Variants in PLB1 observed in about 807,000 individuals in gnomAD.
PLB1 encodes phospholipase B1, membrane-associated.
PLB1 carries 242 observed loss-of-function variants against 227.4 expected under a neutral mutation model. The ratio of observed to expected loss-of-function variants is 1.06; its 90% confidence interval spans 0.96 to 1.18. PLB1 has a LOEUF of 1.18. Ranked by LOEUF, PLB1 falls within the 50% of genes most tolerant of loss-of-function variation. The pLI is 0.00. For missense variants in PLB1, 1,858 were observed against 1,816.3 expected, an observed-to-expected ratio of 1.02 and a Z score of -0.42; for synonymous variants, 757 against 682.2, an observed-to-expected ratio of 1.11 and a Z score of -1.71.
At chr2:28,516,518 A>G (rs1668866296) in intron 1 of PLB1, among the ~76,000 whole-genome samples, 1 of 152,190 alleles carries the variant, frequency 6.6e-6, no homozygotes, top group South Asian at 2.1e-4. Flanking sequence ...CCAAAAAGCA[A>G]TCTGTGATAA....
At chr2:28,604,114 C>T (rs553924487) in intron 40 of PLB1, 67 bp downstream of exon 40, 13 of 1,443,338 alleles carry the variant, frequency 9.0e-6, no homozygotes, top group Middle Eastern at 3.5e-4. Flanking sequence ...CAGCCCAGAG[C>T]CCCTAGAGGA....
At chr2:28,570,162 T>C (rs564386482) in intron 20 of PLB1, among the ~76,000 whole-genome samples, 3 of 152,152 alleles carry the variant, frequency 2.0e-5, no homozygotes, top group Non-Finnish European at 4.4e-5. Flanking sequence ...GAAGGAATGC[T>C]TCACAACTCA....
chr2:28,586,995 C>T lies in PLB1; in HGVS notation c.1815+1153C>T, dbSNP rs143571748. On this transcript the variant is annotated intron_variant, in intron 26 of 57. Coordinates refer to ENST00000327757, the MANE Select transcript of PLB1 (RefSeq NM_153021.5). ...GACTCCTGCACACAAGCAATCCACC[C>T]GCCTCAGCCTTCCAAAGTGCTGGGA... is the stretch of plus-strand genomic sequence containing the variant. 5.7e-3 allele frequency among the ~76,000 whole-genome samples: 862 copies of T among 152,262 alleles called. 5 individuals carry two copies. Among genetic ancestry groups the T allele is most frequent in the African/African-American group, 0.019 (806 of 41,548 alleles).
At chr2:28,542,219 C>T (rs1558710709) in intron 13 of PLB1, among the ~76,000 whole-genome samples, 1 of 152,074 alleles carries the variant, frequency 6.6e-6, no homozygotes, top group Non-Finnish European at 1.5e-5. Context: ...CACCTTACCC[C>T]AATAAGCCTC....
chr2:28,524,841 TC>T (rs1670007974), intron 4 of PLB1, among the ~76,000 whole-genome samples: 9 of 125,688 alleles, frequency 7.2e-5, no homozygotes, highest in African/African-American at 2.7e-4. Context: ...TCTCTCTCTC[TC>T]TCTTTTTTTT....
At chr2:28,629,290 A>C (rs1213787607) in intron 53 of PLB1, 105 bp downstream of exon 53, 3 of 981,760 alleles carry the variant, frequency 3.1e-6, no homozygotes, top group Non-Finnish European at 4.5e-6. Context: ...CAGGCCTGCC[A>C]GAGGGTAGAC....
intron 29 of PLB1, 58 bp from the exon 30 acceptor site, chr2:28,591,075 T>C: frequency 2.5e-6 from 4 of 1,606,290 alleles, no homozygotes; most frequent in Admixed American, 1.7e-5. Context: ...AACTGAGTGC[T>C]GACAAGCAGA....
chr2:28,538,196 G>C, intron 9 of PLB1, 123 bp from the exon 10 acceptor site: 1 of 1,116,942 alleles, frequency 9.0e-7, no homozygotes, highest in Non-Finnish European at 1.3e-6. Context: ...TGGAATGCCA[G>C]GTCTAGATGG....
At chr2:28,625,472 T>C (rs1319436941) in intron 50 of PLB1, among the ~76,000 whole-genome samples, 1 of 152,038 alleles carries the variant, frequency 6.6e-6, no homozygotes, top group Non-Finnish European at 1.5e-5. Context: ...TTCTGCCTCC[T>C]TCCCCTCACC....
Position 28,565,343 on chromosome 2 carries a change from C to A in PLB1, c.1270C>A (p.Leu424Met). 6.2e-7 allele frequency: 1 copy of A among 1,608,484 alleles called. No individual in the cohort carries two copies. Among genetic ancestry groups the A allele is most frequent in the Non-Finnish European group, 8.5e-7 (1 of 1,177,740 alleles). ...GGACGTCTTGACTCAGTACCGAGGC[C>A]TGTCCTGGAGGTGAGTGAGGGTGTG... is the stretch of plus-strand genomic sequence containing the variant. The part of the protein sequence containing the change: ...VLDVLTQYRG[L>M]SWSVGGDENI... Residue 424 changes from leucine to methionine, a missense_variant, in exon 19 of 58, where the codon CTG becomes ATG. Transcript: ENST00000327757.
chr2:28,539,308 C>A, intron 11 of PLB1, 130 bp downstream of exon 11: 1 of 812,994 alleles, frequency 1.2e-6, no homozygotes. Flanking sequence ...GGCCGAGAAA[C>A]ACATGCGAGC....
intron 38 of PLB1, 67 bp downstream of exon 38, chr2:28,602,031 A>C: frequency 1.5e-6 from 2 of 1,370,768 alleles, no homozygotes; most frequent in Non-Finnish European, 2.1e-6. Context: ...GGATGGGGGG[A>C]AAGAATGAGA....
intron 1 of PLB1, among the ~76,000 whole-genome samples, chr2:28,510,693 G>A (rs562347271): frequency 7.8e-6 from 1 of 128,914 alleles, no homozygotes; most frequent in Admixed American, 9.5e-5. Context: ...ATGTGATCAC[G>A]GCTCACTGAA....
intron 46 of PLB1, among the ~76,000 whole-genome samples, chr2:28,619,903 G>A (rs898889752): frequency 2.0e-5 from 3 of 152,140 alleles, no homozygotes; most frequent in African/African-American, 7.2e-5. Flanking sequence ...TGAAGAAAGA[G>A]GCATGTGCAG....
intron 49 of PLB1, among the ~76,000 whole-genome samples, chr2:28,624,457 T>C: frequency 6.6e-6 from 1 of 152,070 alleles, no homozygotes; most frequent in East Asian, 1.9e-4. Context: ...CACCAAATGG[T>C]ATTGTTTTAT....
intron 9 of PLB1, among the ~76,000 whole-genome samples, chr2:28,535,725 A>G (rs1258817564): frequency 6.6e-6 from 1 of 152,138 alleles, no homozygotes; most frequent in Non-Finnish European, 1.5e-5. Context: ...GTTCAAGACC[A>G]GCCTGGCCAA....
Position 28,565,315 on chromosome 2 carries a change from C to G in PLB1, c.1242C>G (p.Val414=). The G allele has an allele frequency of 6.2e-7, 1 of 1,611,858 alleles. No homozygotes were observed. Among genetic ancestry groups the G allele is most frequent in the African/African-American group, 1.3e-5 (1 of 75,048 alleles). The change falls in exon 19 of 58, where the codon GTC becomes GTG. Residue 414 remains valine (V), a synonymous_variant. Coordinates refer to ENST00000327757, the MANE Select transcript of PLB1 (RefSeq NM_153021.5). ...GNGAGSTPGN[V]LDVLTQYRGL... is the part of the protein sequence containing the mutation. The stretch of plus-strand genomic sequence containing the variant: ...GGGCCGGGTCCACACCTGGGAACGT[C>G]TTGGACGTCTTGACTCAGTACCGAG...
At position 28,632,961 on chromosome 2, in the gene PLB1, C is replaced by T. The variant is rs748512923; in HGVS notation, c.4020C>T (p.Leu1340=). The change falls in exon 56 of 58, where the codon CTC becomes CTT. Residue 1340 remains leucine, a synonymous_variant. Transcript: ENST00000327757. The part of the protein sequence containing the change: ...TPLNERGDTD[L]TFFSEDCFHF... The stretch of plus-strand genomic sequence containing the variant: ...GGTTGCAGAGAGGGGACACTGACCT[C>T]ACCTTCTTCTCCGAGGACTGTTTTC... The T allele has an allele frequency of 8.1e-6, 13 of 1,613,964 alleles. No homozygotes were observed. The highest frequency in any genetic ancestry group is 5.0e-5 in the Admixed American group (3 of 59,996).
At chr2:28,550,323 C>T (rs1375180319) in intron 16 of PLB1, among the ~76,000 whole-genome samples, 1 of 149,392 alleles carries the variant, frequency 6.7e-6, no homozygotes, top group African/African-American at 2.5e-5. Context: ...CAGGCGCACA[C>T]CACCATGCCT....
Sources: gnomAD v4.1 joint callset for allele counts (sites outside exome capture counted in the v4.1 genomes callset) on GRCh38, gnomAD v4.1.1 for gene constraint, MANE v1.5 for transcripts, NCBI Gene and HGNC (gene_info 2026-07-23, HGNC 2026-07-21) for gene names.